PKHD1: variants seen among roughly 807,000 people sequenced by gnomAD.
The protein encoded by PKHD1 is PKHD1 ciliary IPT domain containing fibrocystin/polyductin.
Under a neutral mutation model 412.0 loss-of-function variants are expected in PKHD1, and 291 were observed. That is an observed-to-expected ratio of 0.71 (90% confidence interval 0.64 to 0.78). The LOEUF (loss-of-function observed/expected upper bound fraction) is 0.78, where lower values mean the gene tolerates loss of function less well. Ranked by LOEUF, PKHD1 falls within the 30% of genes least tolerant of loss-of-function variation. The pLI is 0.00. For missense variants in PKHD1, 4,825 were observed against 4,950.7 expected (o/e 0.97, Z 0.76); for synonymous variants, 1,777 against 1,821.5 (o/e 0.98, Z 0.62).
intron 52 of PKHD1, among the ~76,000 whole-genome samples, chr6:51,814,398 T>A (rs532952050): frequency 1.3e-5 from 2 of 152,304 alleles, no homozygotes; most frequent in African/African-American, 4.8e-5. Flanking sequence ...CCTGCACCAA[T>A]GTTTACTCAT....
At chr6:52,068,186 A>G (rs1424837349) in intron 11 of PKHD1, among the ~76,000 whole-genome samples, 1 of 152,226 alleles carries the variant, frequency 6.6e-6, no homozygotes, top group African/African-American at 2.4e-5. Context: ...ATGCTTAATT[A>G]AGGCTCAAAA....
intron 27 of PKHD1, among the ~76,000 whole-genome samples, chr6:52,041,681 T>C (rs1804912371): frequency 6.6e-6 from 1 of 152,210 alleles, no homozygotes; most frequent in African/African-American, 2.4e-5. Context: ...GCTAAAATAA[T>C]GTACAATCCT....
chr6:51,837,710 A>G (rs1442833703), intron 50 of PKHD1, among the ~76,000 whole-genome samples: 1 of 152,202 alleles, frequency 6.6e-6, no homozygotes, highest in East Asian at 1.9e-4. Context: ...CTGTCTTGAA[A>G]AAACTAAAAA....
chr6:51,639,194 G>A (rs1016185794), intron 63 of PKHD1, among the ~76,000 whole-genome samples: 4 of 151,974 alleles, frequency 2.6e-5, no homozygotes, highest in African/African-American at 7.2e-5. Context: ...ATATATACAC[G>A]ATTGCCTACA....
At chr6:51,807,838 C>T (rs902949091) in intron 52 of PKHD1, among the ~76,000 whole-genome samples, 1 of 151,910 alleles carries the variant, frequency 6.6e-6, no homozygotes, top group Admixed American at 6.6e-5. Flanking sequence ...CTGTATGATT[C>T]CTTTTACATG....
At chr6:51,636,617 C>G (rs1025196507) in intron 64 of PKHD1, among the ~76,000 whole-genome samples, 1 of 152,134 alleles carries the variant, frequency 6.6e-6, no homozygotes, top group African/African-American at 2.4e-5. Context: ...ACAACAATAA[C>G]ATAAAACAAT....
chr6:51,842,324 C>T (rs1037786838), intron 50 of PKHD1, among the ~76,000 whole-genome samples: 6 of 152,108 alleles, frequency 3.9e-5, no homozygotes, highest in African/African-American at 9.7e-5. Context: ...AATTTATCAC[C>T]GGCTGCTGGT....
At chr6:52,051,750 T>C (rs1806875382) in intron 21 of PKHD1, among the ~76,000 whole-genome samples, 1 of 133,176 alleles carries the variant, frequency 7.5e-6, no homozygotes, top group Non-Finnish European at 1.7e-5. Flanking sequence ...TTCCAACTAG[T>C]GGACTCCAGT....
At chr6:51,683,145 T>C (rs1267184060) in intron 60 of PKHD1, among the ~76,000 whole-genome samples, 1 of 152,076 alleles carries the variant, frequency 6.6e-6, no homozygotes, top group Non-Finnish European at 1.5e-5. Flanking sequence ...GCTAGAGTTC[T>C]TACAAATAAG....
intron 52 of PKHD1, among the ~76,000 whole-genome samples, chr6:51,807,450 A>T (rs1239707606): frequency 2.9e-5 from 3 of 104,020 alleles, no homozygotes; most frequent in African/African-American, 1.3e-4. Flanking sequence ...AAAAAAAAAA[A>T]AAAAAAAAAT....
intron 52 of PKHD1, among the ~76,000 whole-genome samples, chr6:51,819,656 T>C (rs577683766): frequency 6.6e-6 from 1 of 152,338 alleles, no homozygotes; most frequent in South Asian, 2.1e-4. Flanking sequence ...CTCATCATTT[T>C]ATCTCCAACA....
intron 22 of PKHD1, among the ~76,000 whole-genome samples, chr6:52,049,441 G>A (rs1224718851): frequency 6.6e-6 from 1 of 152,132 alleles, no homozygotes; most frequent in Non-Finnish European, 1.5e-5. Flanking sequence ...AGACATATAT[G>A]TGTATACACA....
At chr6:51,981,956 A>G (rs1583693981) in intron 35 of PKHD1, among the ~76,000 whole-genome samples, 1 of 56,068 alleles carries the variant, frequency 1.8e-5, no homozygotes, top group Non-Finnish European at 4.3e-5. Context: ...TGTGGGGAGC[A>G]CCTCTGCCCC....
In PKHD1 at chr6:52,086,502, C is replaced by CA. The variant is rs577585337; in HGVS notation, c.-85+931dup. ...AAAAGCTACAATATACTCCCCCCCT[C>CA]AAAAAAAAAATCTGCAAAAACTTTG... On this transcript the variant is annotated intron_variant, in intron 1 of 66. Coordinates refer to ENST00000371117, the MANE Select transcript of PKHD1 (RefSeq NM_138694.4). Among the ~76,000 whole-genome samples the CA allele has an allele frequency of 1.0e-3, 155 of 149,666 alleles. 4 individuals carry two copies. The highest frequency in any genetic ancestry group is 2.9e-3 in the African/African-American group (120 of 40,930).
At chr6:51,832,958 G>A (rs1331178354) in intron 51 of PKHD1, among the ~76,000 whole-genome samples, 1 of 152,116 alleles carries the variant, frequency 6.6e-6, no homozygotes, top group Admixed American at 6.6e-5. Flanking sequence ...CACTCAGTAA[G>A]AGGCTTTATA....
chr6:51,795,668 C>T (rs182383200), intron 52 of PKHD1, among the ~76,000 whole-genome samples: 3 of 152,236 alleles, frequency 2.0e-5, no homozygotes, highest in Admixed American at 2.0e-4. Flanking sequence ...ATGAGTTTGT[C>T]ATATATAGCT....
Position 51,885,970 on chromosome 6 carries a change from T to C in PKHD1, c.7112A>G (p.Tyr2371Cys). The change falls in exon 45 of 67, where the codon TAT becomes TGT. Residue 2371 changes from tyrosine (Y) to cysteine (C), a missense_variant and splice_region_variant. Transcript: ENST00000371117. ...AAATTTAGGGTATACAAAGAGACCA[T>C]ACCTAAAAAGTGAAACAGAATGAAA... ...TQNIAHSCTRYGLFVYPKFQP... is the reference protein window; with the variant it reads ...TQNIAHSCTRCGLFVYPKFQP... 1.3e-6 allele frequency: 2 copies of C among 1,562,870 alleles called. No homozygotes were observed. The highest frequency in any genetic ancestry group is 1.7e-4 in the Middle Eastern group (1 of 5,970).
At chr6:52,058,685 C>A in intron 15 of PKHD1, 84 bp from the exon 16 acceptor site, 1 of 1,378,554 alleles carries the variant, frequency 7.3e-7, no homozygotes, top group African/African-American at 1.4e-5. Flanking sequence ...TGAACTGCTA[C>A]TATCAAGAGA....
rs55884238 is a variant in PKHD1 at position 52,014,789 on chromosome 6, CATGGATGGATGGATGG to C, written c.5600+2605_5600+2620del. 5.6e-5 allele frequency among the ~76,000 whole-genome samples: 8 copies of C among 142,266 alleles called. 1 individual carries two copies. In the East Asian group the frequency reaches 6.4e-4, roughly 11 times the overall value. The allele number at this position is 142,266 out of a possible 152,430, so 93.3% of individuals were successfully genotyped here. A position where few individuals can be genotyped will look rare whatever the true frequency, so the allele number is the denominator to read the frequency against. On this transcript the variant is annotated intron_variant, in intron 34 of 66. Transcript: ENST00000371117. ...GAATATACTGGATAGATGGATGGAT[CATGGATGGATGGATGG>C]ATGGATGGATGGATGGATGGACGGA...
Sources: gnomAD v4.1 joint callset for allele counts (sites outside exome capture counted in the v4.1 genomes callset) on GRCh38, gnomAD v4.1.1 for gene constraint, MANE v1.5 for transcripts, NCBI Gene and HGNC (gene_info 2026-07-23, HGNC 2026-07-21) for gene names.